Variants in COL21A1 observed in about 807,000 individuals in gnomAD.
COL21A1 encodes the protein collagen type XXI alpha 1 chain, also known as collagen alpha-1(XXI) chain.
Under a neutral mutation model 137.9 loss-of-function variants are expected in COL21A1, and 149 were observed. The ratio of observed to expected loss-of-function variants is 1.08; its 90% CI spans 0.95 to 1.24. The LOEUF is 1.24. Among genes scored for constraint, COL21A1 ranks in the 50% most tolerant of loss-of-function variants. The pLI is 0.00. For missense variants in COL21A1, 1,167 were observed against 1,158.4 expected, an observed-to-expected ratio of 1.01 and a Z score of -0.11; for synonymous variants, 456 against 391.5, an observed-to-expected ratio of 1.16 and a Z score of -1.95.
chr6:56,057,549 C>T lies in COL21A1; in HGVS notation c.*108G>A, dbSNP rs187889537. ...CATAAGAAAAAAAAAATAAAAACAC[C>T]GAGGTACTTAAGTTTCTTTTCAAGG... On this transcript the variant is annotated 3_prime_UTR_variant, in exon 30 of 30. Coordinates refer to ENST00000244728, the MANE Select transcript of COL21A1 (RefSeq NM_030820.4). The T allele has an allele frequency of 4.3e-5, 43 of 991,648 alleles. No homozygotes were observed. In the East Asian group the frequency reaches 7.2e-4, roughly 17 times the overall value. 61.4% of individuals were successfully genotyped at this position (991,648 alleles called of 1,614,324 possible).
At chr6:56,302,480 T>G (rs1487765597) in intron 1 of COL21A1, among the ~76,000 whole-genome samples, 12 of 151,898 alleles carry the variant, frequency 7.9e-5, no homozygotes, top group Admixed American at 3.3e-4. Flanking sequence ...TGATGGCCAG[T>G]GATGATGAGC....
intron 3 of COL21A1, among the ~76,000 whole-genome samples, chr6:56,172,961 A>C (rs987241300): frequency 6.6e-6 from 1 of 152,114 alleles, no homozygotes; most frequent in African/African-American, 2.4e-5. Context: ...AACACAAAGG[A>C]AGACAGTAAA....
At chr6:56,130,623 T>A (rs1376950965) in intron 12 of COL21A1, among the ~76,000 whole-genome samples, 1 of 151,716 alleles carries the variant, frequency 6.6e-6, no homozygotes, top group Non-Finnish European at 1.5e-5. Flanking sequence ...TCAGATGAAG[T>A]AGGAAGACTA....
At chr6:56,241,763 TC>T (rs1782341611) in intron 1 of COL21A1, among the ~76,000 whole-genome samples, 1 of 152,204 alleles carries the variant, frequency 6.6e-6, no homozygotes, top group African/African-American at 2.4e-5. Context: ...CAAACGACAA[TC>T]AAAAATGGTT....
At chr6:56,080,078 G>A (rs1025857871) in intron 17 of COL21A1, among the ~76,000 whole-genome samples, 1 of 151,718 alleles carries the variant, frequency 6.6e-6, no homozygotes, top group African/African-American at 2.4e-5. Flanking sequence ...TATTGAAATT[G>A]ACTAAACTTT....
At chr6:56,113,404 C>T (rs759288158) in intron 16 of COL21A1, among the ~76,000 whole-genome samples, 3 of 152,166 alleles carry the variant, frequency 2.0e-5, no homozygotes, top group Non-Finnish European at 2.9e-5. Context: ...TCAAGAGGCC[C>T]CCTTTCCAGG....
chr6:56,186,713 T>G (rs371304431), intron 1 of COL21A1, among the ~76,000 whole-genome samples: 1 of 152,188 alleles, frequency 6.6e-6, no homozygotes, highest in South Asian at 2.1e-4. Context: ...GTATCAAAAG[T>G]ATTATAAATG....
intron 1 of COL21A1, among the ~76,000 whole-genome samples, chr6:56,314,112 G>C (rs185541965): frequency 6.6e-6 from 1 of 152,206 alleles, no homozygotes; most frequent in Admixed American, 6.5e-5. Flanking sequence ...AGCCTCCCAA[G>C]TAGCTGGGAC....
chr6:56,317,638 G>C (rs1017433597), intron 1 of COL21A1, among the ~76,000 whole-genome samples: 10 of 151,980 alleles, frequency 6.6e-5, no homozygotes, highest in Admixed American at 3.9e-4. Flanking sequence ...AATGGCATTG[G>C]TCACTACAAA....
intron 1 of COL21A1, among the ~76,000 whole-genome samples, chr6:56,295,624 T>G (rs2152336306): frequency 2.6e-5 from 1 of 39,132 alleles, no homozygotes; most frequent in Non-Finnish European, 1.4e-4. Context: ...TTCATCAGAG[T>G]TTTGTACTTT....
chr6:56,215,675 C>T lies in COL21A1; in HGVS notation c.-39+31712G>A, dbSNP rs111772037. On this transcript the variant is annotated intron_variant, in intron 1 of 29. Transcript: ENST00000244728. Reference sequence around the variant, plus strand: ...CCTTGAAGGGTTGTTAAGTAAAATGCTAAGTAAAATGGCATAAAAGCACTT... The same window carrying T: ...CCTTGAAGGGTTGTTAAGTAAAATGTTAAGTAAAATGGCATAAAAGCACTT... 6.5e-3 allele frequency among the ~76,000 whole-genome samples: 984 copies of T among 152,100 alleles called. 11 individuals are homozygous for T. Among genetic ancestry groups the T allele is most frequent in the African/African-American group, 0.023 (940 of 41,536 alleles).
intron 1 of COL21A1, among the ~76,000 whole-genome samples, chr6:56,298,272 C>T (rs1764204308): frequency 6.6e-6 from 1 of 151,976 alleles, no homozygotes; most frequent in South Asian, 2.1e-4. Flanking sequence ...GAACAAAAAA[C>T]AATTTTAGAT....
intron 1 of COL21A1, among the ~76,000 whole-genome samples, chr6:56,324,895 C>A (rs1335141805): frequency 6.6e-6 from 1 of 151,888 alleles, no homozygotes; most frequent in Non-Finnish European, 1.5e-5. Flanking sequence ...TGCCCCAAAG[C>A]AGATCAAGAG....
chr6:56,199,288 TTC>T (rs1270183698), intron 1 of COL21A1, among the ~76,000 whole-genome samples: 2 of 148,598 alleles, frequency 1.3e-5, no homozygotes, highest in Non-Finnish European at 3.0e-5. Flanking sequence ...AAATATGGAA[TTC>T]TGTTTTTTTT....
chr6:56,262,984 T>C (rs1357494110), intron 1 of COL21A1, among the ~76,000 whole-genome samples: 1 of 152,174 alleles, frequency 6.6e-6, no homozygotes, highest in Non-Finnish European at 1.5e-5. Flanking sequence ...AAGAAACTAA[T>C]GCATTAAAAT....
intron 17 of COL21A1, among the ~76,000 whole-genome samples, chr6:56,096,291 T>C (rs1311030764): frequency 2.0e-5 from 3 of 152,202 alleles, no homozygotes; most frequent in African/African-American, 7.2e-5. Context: ...ATTGGCTCAT[T>C]TGACTCCTTG....
Position 56,179,798 on chromosome 6 carries a change from C to T in COL21A1, c.420G>A (p.Val140=), listed in dbSNP as rs1380650830. 1 of 1,613,862 alleles carries T rather than the reference C, an allele frequency of 6.2e-7. No homozygotes were observed. The highest frequency in any genetic ancestry group is 8.5e-7 in the Non-Finnish European group (1 of 1,179,836). ...KSSRFLTKIA[V]VLTDGKSQDD... ...CTTGGGATTTGCCATCCGTAAGTACCACTGCTATCTTAGTCAGAAATCGTG... is the reference window on the plus strand; with the variant it reads ...CTTGGGATTTGCCATCCGTAAGTACTACTGCTATCTTAGTCAGAAATCGTG... Residue 140 remains valine (V), a synonymous_variant, in exon 3 of 30, where the codon GTG becomes GTA. Coordinates refer to ENST00000244728, the MANE Select transcript of COL21A1 (RefSeq NM_030820.4).
intron 1 of COL21A1, among the ~76,000 whole-genome samples, chr6:56,223,391 A>G (rs909085470): frequency 8.5e-5 from 13 of 152,116 alleles, no homozygotes; most frequent in Admixed American, 7.9e-4. Flanking sequence ...AATATCCTTC[A>G]TTCTATAACA....
At chr6:56,155,471 G>A (rs539481471) in intron 10 of COL21A1, among the ~76,000 whole-genome samples, 15 of 152,090 alleles carry the variant, frequency 9.9e-5, no homozygotes, top group African/African-American at 3.6e-4. Context: ...TTCATTCCTC[G>A]AACAATTTTG....
Sources: gnomAD v4.1 joint callset for allele counts (sites outside exome capture counted in the v4.1 genomes callset) on GRCh38, gnomAD v4.1.1 for gene constraint, MANE v1.5 for transcripts, NCBI Gene and HGNC (gene_info 2026-07-23, HGNC 2026-07-21) for gene names.